The following SPTBN1 variants were observed in gnomAD, a reference collection of about 807,000 sequenced individuals.
SPTBN1 encodes the protein spectrin beta chain, non-erythrocytic 1.
Under a neutral mutation model 266.4 loss-of-function variants are expected in SPTBN1, and 32 were observed. The observed-to-expected ratio is 0.12, with a 90% CI of 0.09 to 0.16. The LOEUF (loss-of-function observed/expected upper bound fraction) is 0.16, where lower values mean the gene tolerates loss of function less well. Among genes scored for constraint, SPTBN1 ranks in the 10% least tolerant of loss-of-function variants. SPTBN1 has a pLI of 1.00. For synonymous variants in SPTBN1, 1,336 were observed against 1,162.2 expected (o/e 1.15, Z -3.04); for missense variants, 2,296 against 3,067.1 (o/e 0.75, Z 5.94).
At chr2:54,613,055 A>G (rs945726434) in intron 4 of SPTBN1, among the ~76,000 whole-genome samples, 19 of 152,212 alleles carry the variant, frequency 1.2e-4, no homozygotes, top group African/African-American at 4.6e-4. Flanking sequence ...AGCCAGGGCT[A>G]TAGTGGGTGC....
chr2:54,599,967 AT>A (rs1187692514), intron 3 of SPTBN1, among the ~76,000 whole-genome samples: 11 of 152,224 alleles, frequency 7.2e-5, no homozygotes, highest in Non-Finnish European at 1.0e-4. Context: ...TGGTTGCTGT[AT>A]CCTCCCAGAG....
rs763859946 is a variant in SPTBN1, at chr2:54,526,436, C to A, written c.18C>A (p.Ala6=). MTTTV[A]TDYDNIEIQQ... is the part of the protein sequence containing the mutation. ...AGTTCAAGATGACGACCACAGTAGC[C>A]ACAGACTATGACAACATTGAGATCC... is the stretch of plus-strand genomic sequence containing the variant. The change falls in exon 2 of 36, where the codon GCC becomes GCA. Residue 6 remains alanine (A), a synonymous_variant. Transcript: ENST00000356805. The A allele has an allele frequency of 6.2e-7, 1 of 1,614,008 alleles. No individual in the cohort carries two copies. Among genetic ancestry groups the A allele is most frequent in the Admixed American group, 1.7e-5 (1 of 59,994 alleles).
chr2:54,619,548 C>T (rs924807359), intron 7 of SPTBN1, among the ~76,000 whole-genome samples: 19 of 152,194 alleles, frequency 1.2e-4, no homozygotes, highest in Admixed American at 1.3e-4. Flanking sequence ...CAGCTGATTT[C>T]ACTTTTATCC....
At chr2:54,667,768 G>A (rs1681460837) in intron 35 of SPTBN1, 122 bp downstream of exon 35, 1 of 858,016 alleles carries the variant, frequency 1.2e-6, no homozygotes, top group Non-Finnish European at 1.9e-6. Flanking sequence ...CTATCACTGG[G>A]CTCCAGTCAC....
intron 9 of SPTBN1, 100 bp downstream of exon 9, chr2:54,622,587 G>A: frequency 7.2e-7 from 1 of 1,385,176 alleles, no homozygotes; most frequent in Non-Finnish European, 1.0e-6. Context: ...TCTCTTAACT[G>A]AATGCCTTTC....
chr2:54,514,368 C>T (rs2104241313), intron 1 of SPTBN1, among the ~76,000 whole-genome samples: 1 of 152,122 alleles, frequency 6.6e-6, no homozygotes, highest in East Asian at 1.9e-4. Context: ...TTTGCTCCTT[C>T]AAAGAGTATA....
At chr2:54,594,833 C>CTGGTTTTTTTTTT (rs1675949011) in intron 2 of SPTBN1, among the ~76,000 whole-genome samples, 1 of 104,716 alleles carries the variant, frequency 9.5e-6, no homozygotes, top group African/African-American at 5.1e-5. Context: ...TGGTAAGTTT[C>CTGGTTTTTTTTTT]TTTTTTTTTT....
At chr2:54,659,809 G>T in intron 31 of SPTBN1, 127 bp from the exon 32 acceptor site, 1 of 1,452,674 alleles carries the variant, frequency 6.9e-7, no homozygotes, top group South Asian at 1.5e-5. Flanking sequence ...GATTTAAAAA[G>T]AATTAAATTA....
intron 2 of SPTBN1, among the ~76,000 whole-genome samples, chr2:54,570,700 G>T (rs751394808): frequency 1.3e-5 from 2 of 152,204 alleles, no homozygotes; most frequent in African/African-American, 2.4e-5. Context: ...AGTGGTTACA[G>T]CTAAGATTGT....
intron 1 of SPTBN1, among the ~76,000 whole-genome samples, chr2:54,506,162 A>C (rs1438588317): frequency 6.8e-6 from 1 of 146,388 alleles, no homozygotes; most frequent in Non-Finnish European, 1.5e-5. Flanking sequence ...TAAATAAATA[A>C]AATCTGAATG....
intron 1 of SPTBN1, among the ~76,000 whole-genome samples, chr2:54,465,267 G>C (rs1398773096): frequency 6.6e-6 from 1 of 152,092 alleles, no homozygotes; most frequent in Admixed American, 6.6e-5. Context: ...AAAGAGCAGA[G>C]GACCAGGGTT....
intron 31 of SPTBN1, 45 bp from the exon 32 acceptor site, chr2:54,659,891 C>G: frequency 6.3e-7 from 1 of 1,594,694 alleles, no homozygotes; most frequent in Non-Finnish European, 8.6e-7. Context: ...TCCTCTTTCT[C>G]CTCTTCTTCC....
intron 2 of SPTBN1, among the ~76,000 whole-genome samples, chr2:54,557,363 G>C (rs572420600): frequency 7.3e-5 from 11 of 151,482 alleles, no homozygotes; most frequent in African/African-American, 2.7e-4. Context: ...AGTGTAATTT[G>C]TTGTCTGCCT....
At chr2:54,652,089 C>A (rs972093431) in intron 26 of SPTBN1, among the ~76,000 whole-genome samples, 7 of 152,100 alleles carry the variant, frequency 4.6e-5, no homozygotes, top group African/African-American at 1.7e-4. Flanking sequence ...GGACAGTTGT[C>A]TGCGGACTTC....
rs1450800072 is a variant in SPTBN1, at chr2:54,665,872, T to G, written c.6660-43T>G. On this transcript the variant is annotated intron_variant, in intron 33 of 35. Transcript: ENST00000356805. ...GTTTAGTTCTTTAAGGGGAATGTGG[T>G]AGAGCCTTTATCTCCCCCTGCCCTT... The G allele has an allele frequency of 3.8e-6, 6 of 1,578,516 alleles. No individual in the cohort carries two copies. In the African/African-American group the frequency reaches 8.2e-5, roughly 22 times the overall value.
At chr2:54,571,232 A>G (rs1416158247) in intron 2 of SPTBN1, among the ~76,000 whole-genome samples, 1 of 152,056 alleles carries the variant, frequency 6.6e-6, no homozygotes, top group East Asian at 1.9e-4. Flanking sequence ...CATTTCAGAA[A>G]CAAGGGTGGT....
chr2:54,565,674 A>G (rs956893918), intron 2 of SPTBN1, among the ~76,000 whole-genome samples: 1 of 152,210 alleles, frequency 6.6e-6, no homozygotes, highest in Non-Finnish European at 1.5e-5. Context: ...TGGCATCTGT[A>G]AGGGAGACAG....
At chr2:54,640,720 T>C (rs1362483811) in intron 18 of SPTBN1, among the ~76,000 whole-genome samples, 1 of 152,144 alleles carries the variant, frequency 6.6e-6, no homozygotes, top group Non-Finnish European at 1.5e-5. Context: ...CCCAGCTAGT[T>C]TTTGTATTTT....
intron 1 of SPTBN1, among the ~76,000 whole-genome samples, chr2:54,501,328 A>G (rs562051119): frequency 9.2e-5 from 14 of 152,250 alleles, no homozygotes; most frequent in African/African-American, 3.1e-4. Context: ...TTTAGAAAGA[A>G]ATAGGTTTGT....
Sources: allele counts gnomAD v4.1 joint callset (sites outside exome capture counted in the v4.1 genomes callset), GRCh38; gene constraint gnomAD v4.1.1; transcripts MANE v1.5; gene names NCBI Gene and HGNC (gene_info 2026-07-23, HGNC 2026-07-21).